PDS5A: variants seen among roughly 807,000 people sequenced by gnomAD.
PDS5A encodes sister chromatid cohesion protein PDS5 homolog A.
PDS5A carries 42 observed loss-of-function variants against 167.1 expected under a neutral mutation model. The ratio of observed to expected loss-of-function variants is 0.25; its 90% CI spans 0.20 to 0.33. The LOEUF is 0.33. Among genes scored for constraint, PDS5A ranks in the 10% least tolerant of loss-of-function variants. The pLI, the probability that PDS5A is intolerant of heterozygous loss-of-function variation, is 1.00. For missense variants in PDS5A, 1,033 were observed against 1,605.9 expected, an observed-to-expected ratio of 0.64 and a Z score of 6.10; for synonymous variants, 553 against 554.6, an observed-to-expected ratio of 1.00 and a Z score of 0.04.
intron 31 of PDS5A, among the ~76,000 whole-genome samples, chr4:39,840,101 G>C (rs913612151): frequency 2.0e-5 from 3 of 149,298 alleles, no homozygotes; most frequent in East Asian, 4.0e-4. Context: ...AAAAACAAAA[G>C]AAAACAAAAC....
At chr4:39,967,188 C>G (rs139874499) in intron 2 of PDS5A, among the ~76,000 whole-genome samples, 2 of 151,802 alleles carry the variant, frequency 1.3e-5, no homozygotes, top group African/African-American at 4.8e-5. Flanking sequence ...ACCTGTAATC[C>G]CAACTACTCA....
intron 2 of PDS5A, among the ~76,000 whole-genome samples, chr4:39,939,716 G>C (rs911606113): frequency 1.3e-5 from 2 of 152,036 alleles, no homozygotes; most frequent in African/African-American, 4.8e-5. Flanking sequence ...AGAATCACTT[G>C]AACCCAGGAG....
chr4:39,861,473 G>A (rs1448425552), intron 26 of PDS5A, among the ~76,000 whole-genome samples: 1 of 152,084 alleles, frequency 6.6e-6, no homozygotes, highest in African/African-American at 2.4e-5. Flanking sequence ...AAAATAAAGA[G>A]AGAGAGACTG....
At chr4:39,865,189 A>T (rs911195651) in intron 23 of PDS5A, among the ~76,000 whole-genome samples, 1 of 152,098 alleles carries the variant, frequency 6.6e-6, no homozygotes, top group African/African-American at 2.4e-5. Flanking sequence ...AATTGTATTG[A>T]CTGCATTTAG....
chr4:39,967,205 TGAAGCAGGAGAATTGCTTGAACCTGG>T (rs963007895), intron 2 of PDS5A, among the ~76,000 whole-genome samples: 12 of 151,784 alleles, frequency 7.9e-5, no homozygotes, highest in Admixed American at 2.6e-4. Context: ...CTCAGGAGGC[TGAAGCAGGAGAATTGCTTGAACCTGG>T]GAGACAGAGG....
At chr4:39,927,101 G>T (rs1432022308) in intron 3 of PDS5A, among the ~76,000 whole-genome samples, 1 of 152,114 alleles carries the variant, frequency 6.6e-6, no homozygotes, top group Admixed American at 6.6e-5. Flanking sequence ...CTTTCAGAGC[G>T]GACCACAGGC....
In PDS5A at chr4:39,922,652, G is replaced by A; in HGVS notation, c.624C>T (p.Ser208=). 1 of 1,598,226 alleles carries A rather than the reference G, an allele frequency of 6.3e-7. No homozygotes were observed. Among genetic ancestry groups the A allele is most frequent in the Non-Finnish European group, 8.5e-7 (1 of 1,173,048 alleles). ...GDGVTQELLD[S]ILINLIPAHK... is the part of the protein sequence containing the mutation. Reference sequence around the variant, plus strand: ...GTGCAGGAATGAGGTTAATAAGAATGGAGTCCAATAATTCTTGAGTAACTC... The same window carrying A: ...GTGCAGGAATGAGGTTAATAAGAATAGAGTCCAATAATTCTTGAGTAACTC... The change falls in exon 6 of 33, where the codon TCC becomes TCT. Residue 208 remains serine (S), a synonymous_variant. Transcript: ENST00000303538.
At chr4:39,875,839 TTCAA>T (rs1720418574) in intron 19 of PDS5A, among the ~76,000 whole-genome samples, 1 of 152,272 alleles carries the variant, frequency 6.6e-6, no homozygotes, top group South Asian at 2.1e-4. Flanking sequence ...GGAAGATAGT[TTCAA>T]TCAAACTGTT....
intron 2 of PDS5A, among the ~76,000 whole-genome samples, chr4:39,959,457 T>C (rs1729278032): frequency 6.6e-6 from 1 of 152,024 alleles, no homozygotes; most frequent in South Asian, 2.1e-4. Context: ...GCTCAGGTGA[T>C]CCTTCCAACT....
At chr4:39,930,049 A>G (rs1725867758) in intron 2 of PDS5A, among the ~76,000 whole-genome samples, 1 of 150,938 alleles carries the variant, frequency 6.6e-6, no homozygotes, top group Admixed American at 6.6e-5. Context: ...CCCCGTCTCT[A>G]CTAAAAATAC....
At chr4:39,957,181 C>T (rs1302936007) in intron 2 of PDS5A, among the ~76,000 whole-genome samples, 1 of 152,032 alleles carries the variant, frequency 6.6e-6, no homozygotes, top group Non-Finnish European at 1.5e-5. Context: ...GGCCACAGAA[C>T]TTAACCCAAT....
At chr4:39,947,620 C>A (rs975673162) in intron 2 of PDS5A, among the ~76,000 whole-genome samples, 10 of 151,870 alleles carry the variant, frequency 6.6e-5, no homozygotes, top group African/African-American at 2.4e-4. Flanking sequence ...TTAAAACAAA[C>A]AAAAAAAATT....
Position 39,952,459 on chromosome 4 carries a change from G to T in PDS5A, c.138+23981C>A, listed in dbSNP as rs558970711. On this transcript the variant is annotated intron_variant, in intron 2 of 32. Transcript: ENST00000303538. ...TCAGCAAGTATAAAATTAAAATTTT[G>T]TAAGTGTTAAAAATCACCAGATCAT... 2.6e-5 allele frequency among the ~76,000 whole-genome samples: 4 copies of T among 152,154 alleles called. No individual in the cohort carries two copies. In the South Asian group the frequency reaches 8.3e-4, roughly 32 times the overall value.
intron 2 of PDS5A, among the ~76,000 whole-genome samples, chr4:39,958,500 G>A (rs1251779385): frequency 7.6e-6 from 1 of 131,886 alleles, no homozygotes; most frequent in African/African-American, 2.9e-5. Flanking sequence ...GAGCGAAACT[G>A]TGTCTCAAAA....
At chr4:39,912,451 G>T (rs1381292827) in intron 9 of PDS5A, among the ~76,000 whole-genome samples, 1 of 152,188 alleles carries the variant, frequency 6.6e-6, no homozygotes, top group Non-Finnish European at 1.5e-5. Flanking sequence ...AAATTCTCAT[G>T]GAGTCACATT....
intron 17 of PDS5A, among the ~76,000 whole-genome samples, chr4:39,881,965 C>G (rs1720971314): frequency 6.6e-6 from 1 of 152,120 alleles, no homozygotes. Context: ...GGGAGTTCCC[C>G]TGCACATACT....
rs28419175 is a variant in PDS5A, at chr4:39,920,422, A to C, written c.655-23T>G. The C allele has an allele frequency of 0.044, 47,965 of 1,080,996 alleles. 2,092 individuals are homozygous for C. Among genetic ancestry groups the C allele is most frequent in the East Asian group, 0.23 (9,712 of 41,650 alleles). The allele number at this position is 1,080,996 out of a possible 1,614,324, so 67.0% of individuals were successfully genotyped here. ...GTTCTGAAAAATAATAAAAACATGG[A>C]AAGTTACAAATAAATGTTAATTTAT... On this transcript the variant is annotated intron_variant, in intron 6 of 32. Transcript: ENST00000303538.
intron 2 of PDS5A, chr4:39,973,298 C>T: frequency 1.2e-6 from 2 of 1,605,304 alleles, no homozygotes; most frequent in South Asian, 2.2e-5. Context: ...AACATGGAAG[C>T]AGTCAAAGGT....
chr4:39,962,303 G>C (rs906225562), intron 2 of PDS5A, among the ~76,000 whole-genome samples: 1 of 151,922 alleles, frequency 6.6e-6, no homozygotes, highest in South Asian at 2.1e-4. Flanking sequence ...TGATCCGCCC[G>C]CCTTGGCCTC....
Sources: gnomAD v4.1 joint callset for allele counts (sites outside exome capture counted in the v4.1 genomes callset) on GRCh38, gnomAD v4.1.1 for gene constraint, MANE v1.5 for transcripts, NCBI Gene and HGNC (gene_info 2026-07-23, HGNC 2026-07-21) for gene names.